The following CECR2 variants were observed in gnomAD, a reference collection of about 807,000 sequenced individuals.
The protein encoded by CECR2 is chromatin remodeling regulator CECR2.
A neutral mutation model predicts 154.5 loss-of-function variants in CECR2; 30 were observed. That is an observed-to-expected ratio of 0.19 (90% CI 0.15 to 0.26). CECR2 has a LOEUF of 0.26. Ranked by LOEUF, CECR2 falls within the 10% of genes least tolerant of loss-of-function variation. The pLI is 1.00. For synonymous variants in CECR2, 725 were observed against 683.7 expected (o/e 1.06, Z -0.94); for missense variants, 1,743 against 1,829.3 (o/e 0.95, Z 0.86).
At position 17,457,875 on chromosome 22, in the gene CECR2, T is replaced by C. The variant is rs149157314; in HGVS notation, c.127-19713T>C. ...AAAACTGGGAGACATTTCAAGGAAA[T>C]TGTGCTGAGTGAAAGAAAGCTAATC... On this transcript the variant is annotated intron_variant, in intron 1 of 18. Coordinates refer to ENST00000262608, the MANE Select transcript of CECR2 (RefSeq NM_001290047.2). 1.9e-3 allele frequency among the ~76,000 whole-genome samples: 284 copies of C among 152,300 alleles called. 1 individual carries two copies. The highest frequency in any genetic ancestry group is 6.5e-3 in the African/African-American group (271 of 41,548).
At chr22:17,501,182 C>T (rs2055731607) in intron 5 of CECR2, among the ~76,000 whole-genome samples, 1 of 152,122 alleles carries the variant, frequency 6.6e-6, no homozygotes, top group Non-Finnish European at 1.5e-5. Flanking sequence ...ATCACTAAGC[C>T]TATTGAAGTG....
chr22:17,430,860 G>A (rs1416499063), intron 1 of CECR2, among the ~76,000 whole-genome samples: 1 of 152,052 alleles, frequency 6.6e-6, no homozygotes, highest in African/African-American at 2.4e-5. Flanking sequence ...TCAAATCATT[G>A]CCTACTATTT....
At chr22:17,397,127 T>A (rs192217627) in intron 1 of CECR2, among the ~76,000 whole-genome samples, 81 of 152,094 alleles carry the variant, frequency 5.3e-4, no homozygotes, top group African/African-American at 1.8e-3. Flanking sequence ...GCTTTTTTTT[T>A]TTATTTATTT....
Position 17,403,257 on chromosome 22 carries a change from G to A in CECR2, c.126+33348G>A, listed in dbSNP as rs138787287. Among the ~76,000 whole-genome samples the A allele has an allele frequency of 2.7e-4, 41 of 150,798 alleles. No homozygotes were observed. The East Asian group carries it at 6.8e-3, about 25-fold the overall frequency. On this transcript the variant is annotated intron_variant, in intron 1 of 18. Coordinates refer to ENST00000262608, the MANE Select transcript of CECR2 (RefSeq NM_001290047.2). The stretch of plus-strand genomic sequence containing the variant: ...GTTGACTCCTTTCTCCTTTAGACAT[G>A]TCCTCATTTTTTTCTTTTGGTACTG...
At chr22:17,377,571 C>CT (rs1476289920) in intron 1 of CECR2, among the ~76,000 whole-genome samples, 4 of 151,872 alleles carry the variant, frequency 2.6e-5, no homozygotes, top group Non-Finnish European at 5.9e-5. Context: ...CTTCCTTTCA[C>CT]TTAGTCTGTT....
intron 1 of CECR2, among the ~76,000 whole-genome samples, chr22:17,460,136 C>G (rs2054915101): frequency 1.3e-5 from 2 of 152,154 alleles, no homozygotes; most frequent in Non-Finnish European, 2.9e-5. Context: ...TCTTTGATAG[C>G]CCCTCACCTA....
rs764067017 is a variant in CECR2 at position 17,549,525 on chromosome 22, G to C, written c.4238G>C (p.Gly1413Ala). Reference sequence around the variant, plus strand: ...ATGGAACAAATTGGCACTAGAAGTGGAATAAGAGGACCTTTCCAGGAAATG... The same window carrying C: ...ATGGAACAAATTGGCACTAGAAGTGCAATAAGAGGACCTTTCCAGGAAATG... ...VMMEQIGTRS[G>A]IRGPFQEMYR... The change falls in exon 17 of 19, where the codon GGA becomes GCA. Residue 1413 changes from glycine to alanine, a missense_variant. By Grantham distance (60) the Gly-to-Ala change is moderately conservative. Around this residue, in one of 4 missense-constraint regions of CECR2, gnomAD observed 1,250 missense variants for 1,192.1 expected, o/e 1.05. Transcript: ENST00000262608. The C allele has an allele frequency of 2.2e-5, 36 of 1,603,096 alleles. No individual in the cohort carries two copies. The highest frequency in any genetic ancestry group is 2.8e-5 in the Non-Finnish European group (33 of 1,175,084).
At chr22:17,529,063 C>T (rs963998167) in intron 9 of CECR2, among the ~76,000 whole-genome samples, 1 of 152,096 alleles carries the variant, frequency 6.6e-6, no homozygotes, top group Non-Finnish European at 1.5e-5. Flanking sequence ...CCCTGCTGAA[C>T]ACAGCCTGGG....
At chr22:17,496,787 T>A (rs975421702) in intron 2 of CECR2, among the ~76,000 whole-genome samples, 1 of 152,224 alleles carries the variant, frequency 6.6e-6, no homozygotes, top group Non-Finnish European at 1.5e-5. Context: ...GTGAGACTTT[T>A]GCCTCAGCTT....
chr22:17,424,798 A>C (rs909158625), intron 1 of CECR2: 1 of 152,726 alleles, frequency 6.5e-6, no homozygotes, highest in African/African-American at 2.4e-5. Flanking sequence ...CATGGGCAAC[A>C]GTGATACTGT....
At position 17,524,456 on chromosome 22, in the gene CECR2, G is replaced by C. The variant is rs1465518773; in HGVS notation, c.1108+185G>C. ...CGCCCAGGCTGGAGTGCAGTGGCGT[G>C]ATCTCAGCTCACTGCAAGCTTCACC... On this transcript the variant is annotated intron_variant, in intron 9 of 18. Coordinates refer to ENST00000262608, the MANE Select transcript of CECR2 (RefSeq NM_001290047.2). The C allele has an allele frequency of 1.3e-4, 80 of 601,490 alleles. No homozygotes were observed. In the African/African-American group the frequency reaches 1.5e-3, roughly 12 times the overall value. 37.3% of individuals were successfully genotyped at this position (601,490 alleles called of 1,614,324 possible).
At chr22:17,383,577 A>AAAAAG (rs2063224675) in intron 1 of CECR2, among the ~76,000 whole-genome samples, 2 of 151,954 alleles carry the variant, frequency 1.3e-5, no homozygotes, top group East Asian at 1.9e-4. Flanking sequence ...GACCAGGTTA[A>AAAAAG]AAAAGAAAAG....
rs116282319 is a variant in CECR2 at position 17,453,687 on chromosome 22, T to C, written c.127-23901T>C. On this transcript the variant is annotated intron_variant, in intron 1 of 18. Transcript: ENST00000262608. The stretch of plus-strand genomic sequence containing the variant: ...AACATGACTGGCACAAGAATTATAT[T>C]TTGGTTTTAGAAACTTTTCCTTGAT... 5.9e-3 allele frequency among the ~76,000 whole-genome samples: 906 copies of C among 152,304 alleles called. 13 individuals are homozygous for C. Among genetic ancestry groups the C allele is most frequent in the African/African-American group, 0.021 (865 of 41,564 alleles).
At chr22:17,404,012 C>T (rs1372300845) in intron 1 of CECR2, among the ~76,000 whole-genome samples, 1 of 106,520 alleles carries the variant, frequency 9.4e-6, no homozygotes, top group African/African-American at 3.3e-5. Context: ...GCAATCCTAG[C>T]ACTTTGGGAG....
At chr22:17,394,197 CTTTTTTTTTTTTTT>C (rs71200271) in intron 1 of CECR2, among the ~76,000 whole-genome samples, 1 of 97,096 alleles carries the variant, frequency 1.0e-5, no homozygotes, top group South Asian at 3.5e-4. Flanking sequence ...GCTGCCGCTG[CTTTTTTTTTTTTTT>C]TTTTTTTTTT....
chr22:17,435,684 TAAAAAAAAAAA>T (rs10694414), intron 1 of CECR2, among the ~76,000 whole-genome samples: 4 of 90,928 alleles, frequency 4.4e-5, no homozygotes, highest in South Asian at 4.4e-4. Context: ...TTTTAATTCT[TAAAAAAAAAAA>T]AAAAAAAAAA....
chr22:17,548,149 A>G lies in CECR2; in HGVS notation c.2862A>G (p.Ala954=), dbSNP rs879078751. The change falls in exon 17 of 19, where the codon GCA becomes GCG. Residue 954 remains alanine (A), a splice_region_variant and synonymous_variant. Transcript: ENST00000262608. ...TCCTCTTTTTTTTTTTTTTTGCAGC[A>G]GAGCCGTTGCCTGGCCTTGAAGAGA... ...SEAQEPENDQ[A]EPLPGLEEKP... 6 of 1,497,294 alleles carry G rather than the reference A, an allele frequency of 4.0e-6. No individual in the cohort carries two copies. In the African/African-American group the frequency reaches 8.8e-5, roughly 22 times the overall value. 92.8% of individuals were successfully genotyped at this position (1,497,294 alleles called of 1,614,324 possible).
chr22:17,549,643 C>CAAAA, intron 17 of CECR2, 79 bp downstream of exon 17: 3 of 1,267,164 alleles, frequency 2.4e-6, no homozygotes, highest in Non-Finnish European at 3.3e-6. Context: ...GACAGAGTCT[C>CAAAA]ACTTTGTCAC....
At chr22:17,412,177 CAAAT>C (rs907493868) in intron 1 of CECR2, among the ~76,000 whole-genome samples, 1 of 152,152 alleles carries the variant, frequency 6.6e-6, no homozygotes. Context: ...TTCTGCATGT[CAAAT>C]AAACAATGAT....
Sources: gnomAD v4.1 joint callset for allele counts (sites outside exome capture counted in the v4.1 genomes callset) on GRCh38, gnomAD v4.1.1 for gene constraint, gnomAD v4.1.1 regional missense constraint, MANE v1.5 for transcripts, NCBI Gene and HGNC (gene_info 2026-07-23, HGNC 2026-07-21) for gene names.